The following DHX37 variants were observed in gnomAD, a reference collection of about 807,000 sequenced individuals.
The protein encoded by DHX37 is DEAH-box helicase 37, also known as probable ATP-dependent RNA helicase DHX37.
DHX37 carries 52 observed loss-of-function variants against 134.3 expected under a neutral mutation model. The ratio of observed to expected loss-of-function variants is 0.39; its 90% confidence interval spans 0.31 to 0.49. The LOEUF is 0.49. DHX37 is among the 20% of genes least tolerant of loss of function. DHX37 has a pLI of 0.93. For missense variants in DHX37, 1,344 were observed against 1,580.8 expected, an observed-to-expected ratio of 0.85 and a Z score of 2.54; for synonymous variants, 634 against 670.7, an observed-to-expected ratio of 0.95 and a Z score of 0.85.
intron 5 of DHX37, among the ~76,000 whole-genome samples, chr12:124,976,610 A>G (rs1954645961): frequency 6.6e-6 from 1 of 152,172 alleles, no homozygotes; most frequent in Non-Finnish European, 1.5e-5. Flanking sequence ...CAGGCGGATC[A>G]CGAGGTCAGG....
chr12:124,965,882 A>C (rs1954376570), intron 12 of DHX37, 70 bp from the exon 13 acceptor site: 32 of 1,554,454 alleles, frequency 2.1e-5, no homozygotes, highest in Non-Finnish European at 2.4e-5. Flanking sequence ...ACGTGCAGGA[A>C]GACAGGTGCC....
chr12:124,984,306 G>A (rs1030079236), intron 2 of DHX37, among the ~76,000 whole-genome samples: 2 of 152,218 alleles, frequency 1.3e-5, no homozygotes, highest in African/African-American at 4.8e-5. Flanking sequence ...GCCGAGGCAG[G>A]TGGGTCACTT....
chr12:124,960,393 G>C lies in DHX37; in HGVS notation c.2076C>G (p.Phe692Leu). The C allele has an allele frequency of 3.7e-6, 6 of 1,614,102 alleles. No individual in the cohort carries two copies. In the South Asian group the frequency reaches 6.6e-5, roughly 18 times the overall value. The change falls in exon 16 of 27, where the codon TTC becomes TTG. Residue 692 changes from phenylalanine (F) to leucine (L), a missense_variant. Physicochemically the swap from Phe to Leu is conservative, Grantham distance 22. This residue lies in a region of DHX37 where 558 missense variants were observed against 650.0 expected (regional missense o/e 0.86). Coordinates refer to ENST00000308736, the MANE Select transcript of DHX37 (RefSeq NM_032656.4). The part of the protein sequence containing the change: ...RLYSSAVFGD[F>L]EQFPPPEITR... ...TGATTTCTGGAGGAGGAAACTGCTC[G>C]AAGTCACCAAAAACCGCAGATGAAT...
chr12:124,987,267 C>G (rs1392099687), intron 1 of DHX37, among the ~76,000 whole-genome samples: 1 of 151,898 alleles, frequency 6.6e-6, no homozygotes, highest in East Asian at 1.9e-4. Flanking sequence ...TGCTTGAACC[C>G]GGGAGGTGGA....
At chr12:124,977,782 G>A (rs1431814951) in intron 4 of DHX37, among the ~76,000 whole-genome samples, 4 of 152,098 alleles carry the variant, frequency 2.6e-5, no homozygotes, top group Non-Finnish European at 4.4e-5. Flanking sequence ...CTCAATTAAC[G>A]GCCCAGCCAC....
chr12:124,964,829 G>A (rs952664596), intron 14 of DHX37, 101 bp downstream of exon 14: 6 of 1,447,470 alleles, frequency 4.1e-6, no homozygotes, highest in Non-Finnish European at 5.6e-6. Context: ...TGGGGATGCT[G>A]ATCAAACAGC....
chr12:124,985,479 G>A (rs7972189), intron 2 of DHX37, among the ~76,000 whole-genome samples: 121,249 of 151,634 alleles, frequency 0.8, 49,524 homozygotes, highest in East Asian at 1. Context: ...GTTCACGCCT[G>A]TAATCCCAGC....
rs1283586506 is a variant in DHX37, at chr12:124,956,806, C to T, written c.2338G>A (p.Val780Met). Residue 780 changes from valine (V) to methionine (M), a missense_variant, in exon 18 of 27, where the codon GTG (valine) becomes ATG (methionine). Val to Met is a conservative substitution (Grantham distance 21). Transcript: ENST00000308736. ...AGCATCTTAGCGTAGCGGGGTGCCACGGGGAATGTGGCCATTGTCCGGCCC... is the reference window on the plus strand; with the variant it reads ...AGCATCTTAGCGTAGCGGGGTGCCATGGGGAATGTGGCCATTGTCCGGCCC... Reference protein sequence around the residue: ...ALGRTMATFPVAPRYAKMLAL... With the variant: ...ALGRTMATFPMAPRYAKMLAL... 28 of 1,611,748 alleles carry T rather than the reference C, an allele frequency of 1.7e-5. No individual in the cohort carries two copies. The highest frequency in any genetic ancestry group is 2.2e-5 in the East Asian group (1 of 44,754).
intron 14 of DHX37, 107 bp from the exon 15 acceptor site, chr12:124,964,733 C>A: frequency 6.6e-7 from 1 of 1,523,330 alleles, no homozygotes; most frequent in Non-Finnish European, 8.8e-7. Context: ...GGAGACGTAG[C>A]AAGGACAAGC....
At chr12:124,973,049 G>T (rs893850407) in intron 6 of DHX37, among the ~76,000 whole-genome samples, 4 of 152,220 alleles carry the variant, frequency 2.6e-5, no homozygotes, top group Non-Finnish European at 5.9e-5. Flanking sequence ...GGCTGAGGTG[G>T]GAGAATTACT....
At position 124,956,814 on chromosome 12, in the gene DHX37, G is replaced by A; in HGVS notation, c.2330C>T (p.Thr777Ile). Residue 777 changes from threonine to isoleucine, a missense_variant, in exon 18 of 27, where the codon ACA becomes ATA. Physicochemically the swap from Thr to Ile is moderately conservative, Grantham distance 89 (BLOSUM62 -1). Coordinates refer to ENST00000308736, the MANE Select transcript of DHX37 (RefSeq NM_032656.4). The stretch of plus-strand genomic sequence containing the variant: ...AGCGTAGCGGGGTGCCACGGGGAAT[G>A]TGGCCATTGTCCGGCCCAGCGCAGT... ...PITALGRTMATFPVAPRYAKM... is the reference protein window; with the variant it reads ...PITALGRTMAIFPVAPRYAKM... 8.7e-6 allele frequency: 14 copies of A among 1,611,526 alleles called. No homozygotes were observed. Among genetic ancestry groups the A allele is most frequent in the Non-Finnish European group, 1.2e-5 (14 of 1,178,148 alleles).
At chr12:124,970,384 A>T (rs933906685) in intron 8 of DHX37, among the ~76,000 whole-genome samples, 1 of 152,242 alleles carries the variant, frequency 6.6e-6, no homozygotes, top group Non-Finnish European at 1.5e-5. Context: ...CAGATGAATG[A>T]TATGAAATGT....
At chr12:124,976,121 T>A (rs4580006) in intron 5 of DHX37, among the ~76,000 whole-genome samples, 106,251 of 152,130 alleles carry the variant, frequency 0.7, 37,530 homozygotes, top group East Asian at 0.89. Context: ...AATCTCTAAC[T>A]AGCTTCCCTG....
At chr12:124,968,373 A>T (rs1269945035) in intron 10 of DHX37, among the ~76,000 whole-genome samples, 161 bp downstream of exon 10, 1 of 152,234 alleles carries the variant, frequency 6.6e-6, no homozygotes, top group Non-Finnish European at 1.5e-5. Context: ...GAATAAGGCC[A>T]GACAGGTGTC....
chr12:124,967,759 A>G (rs7965460), intron 10 of DHX37, among the ~76,000 whole-genome samples: 14,049 of 152,182 alleles, frequency 0.092, 1,419 homozygotes, highest in African/African-American at 0.25. Context: ...CCTTGGGCCC[A>G]AATTCGGCAC....
At chr12:124,961,261 C>CGCACACTT (rs138531385) in intron 15 of DHX37, among the ~76,000 whole-genome samples, 1 of 114,196 alleles carries the variant, frequency 8.8e-6, no homozygotes. Flanking sequence ...CGCACGCACA[C>CGCACACTT]ACATACACGC....
At chr12:124,985,474 C>A (rs925616688) in intron 2 of DHX37, among the ~76,000 whole-genome samples, 1 of 151,784 alleles carries the variant, frequency 6.6e-6, no homozygotes, top group African/African-American at 2.4e-5. Flanking sequence ...TGGTGGTTCA[C>A]GCCTGTAATC....
chr12:124,956,694 T>C lies in DHX37; in HGVS notation c.2450A>G (p.Asp817Gly), dbSNP rs1954102127. Residue 817 changes from aspartate (D) to glycine (G), a missense_variant, in exon 18 of 27, where the codon GAC becomes GGC. Around this residue, in one of 7 missense-constraint regions of DHX37, gnomAD observed 558 missense variants for 650.0 expected, o/e 0.86. Coordinates refer to ENST00000308736, the MANE Select transcript of DHX37 (RefSeq NM_032656.4). Reference protein sequence around the residue: ...MTVRELFEELDRPAASDEELT... With the variant: ...MTVRELFEELGRPAASDEELT... Reference sequence around the variant, plus strand: ...TGCCCAGCCGCCAACCTCGCACCTGTCCAGCTCCTCAAACAGCTCCCGCAC... The same window carrying C: ...TGCCCAGCCGCCAACCTCGCACCTGCCCAGCTCCTCAAACAGCTCCCGCAC... The C allele has an allele frequency of 1.3e-6, 2 of 1,564,198 alleles. No individual in the cohort carries two copies. The highest frequency in any genetic ancestry group is 1.2e-5 in the South Asian group (1 of 85,780).
At chr12:124,974,550 T>G (rs7302699) in intron 6 of DHX37, among the ~76,000 whole-genome samples, 1 of 147,554 alleles carries the variant, frequency 6.8e-6, no homozygotes, top group Non-Finnish European at 1.5e-5. Context: ...GAGCCCAGGA[T>G]GGGCCTGGCA....
Sources: gnomAD v4.1 joint callset for allele counts (sites outside exome capture counted in the v4.1 genomes callset) on GRCh38, gnomAD v4.1.1 for gene constraint, gnomAD v4.1.1 regional missense constraint, MANE v1.5 for transcripts, NCBI Gene and HGNC (gene_info 2026-07-23, HGNC 2026-07-21) for gene names.